The following MLLT3 variants were observed in gnomAD, a reference collection of about 807,000 sequenced individuals.
MLLT3 encodes the protein MLLT3 super elongation complex subunit.
A neutral mutation model predicts 53.2 loss-of-function variants in MLLT3; 4 were observed. The ratio of observed to expected loss-of-function variants is 0.08; its 90% CI spans 0.04 to 0.17. The LOEUF is 0.17. Among genes scored for constraint, MLLT3 ranks in the 10% least tolerant of loss-of-function variants. The pLI is 1.00. For synonymous variants in MLLT3, 283 were observed against 230.6 expected, an observed-to-expected ratio of 1.23 and a Z score of -2.06; for missense variants, 569 against 684.0, an observed-to-expected ratio of 0.83 and a Z score of 1.87.
In MLLT3 at chr9:20,515,857, C is replaced by G. The variant is rs1817899360; in HGVS notation, c.194-59071G>C. Among the ~76,000 whole-genome samples, 3 of 152,136 alleles carry G rather than the reference C, an allele frequency of 2.0e-5. No homozygotes were observed. The South Asian group carries it at 6.2e-4, about 31-fold the overall frequency. ...TCCCCAAAGCTCAAGCACAGACCGC[C>G]TGATGTAAGACTCTGCGGCTGGGGA... On this transcript the variant is annotated intron_variant, in intron 2 of 10. Coordinates refer to ENST00000380338, the MANE Select transcript of MLLT3 (RefSeq NM_004529.4).
At chr9:20,464,698 A>G (rs1239286931) in intron 2 of MLLT3, among the ~76,000 whole-genome samples, 1 of 152,070 alleles carries the variant, frequency 6.6e-6, no homozygotes, top group Non-Finnish European at 1.5e-5. Context: ...CTGGCAGGAA[A>G]AAATGACATT....
In MLLT3 at chr9:20,346,571, C is replaced by T. The variant is rs1380847578; in HGVS notation, c.1579G>A (p.Val527Met). Residue 527 changes from valine (V) to methionine (M), a missense_variant, in exon 11 of 11, where the codon GTG becomes ATG. By Grantham distance (21) the Val-to-Met change is conservative. Around this residue, in one of 5 missense-constraint regions of MLLT3, gnomAD observed 45 missense variants for 85.5 expected, o/e 0.53. Coordinates refer to ENST00000380338, the MANE Select transcript of MLLT3 (RefSeq NM_004529.4). ...LRERHILQQIVNLIEETGHFH... is the reference protein window; with the variant it reads ...LRERHILQQIMNLIEETGHFH... ...TGTCCAGTTTCTTCTATAAGGTTCA[C>T]GATCTAGAGGAGTGAAGAAGAGAAA... 1 of 1,612,754 alleles carries T rather than the reference C, an allele frequency of 6.2e-7. No individual in the cohort carries two copies.
Position 20,524,035 on chromosome 9 carries a change from G to T in MLLT3, c.194-67249C>A, listed in dbSNP as rs1263151200. Among the ~76,000 whole-genome samples, 7 of 151,830 alleles carry T rather than the reference G, an allele frequency of 4.6e-5. No homozygotes were observed. In the East Asian group the frequency reaches 1.2e-3, roughly 25 times the overall value. On this transcript the variant is annotated intron_variant, in intron 2 of 10. Transcript: ENST00000380338. ...TGGTTGTCAGGGGTCAGGGGAAGTG[G>T]CAGGGAGAAGGGATGAATAGGTAGA...
chr9:20,510,578 C>T (rs1351386041), intron 2 of MLLT3, among the ~76,000 whole-genome samples: 1 of 142,364 alleles, frequency 7.0e-6, no homozygotes, highest in East Asian at 2.0e-4. Flanking sequence ...TATGACTGCA[C>T]TCCAGCCTGG....
At chr9:20,483,675 G>A (rs1328148679) in intron 2 of MLLT3, among the ~76,000 whole-genome samples, 1 of 146,658 alleles carries the variant, frequency 6.8e-6, no homozygotes, top group Non-Finnish European at 1.5e-5. Flanking sequence ...TTACACTAAC[G>A]AGATAACACA....
intron 2 of MLLT3, among the ~76,000 whole-genome samples, chr9:20,565,968 T>TTTTA (rs1347373715): frequency 0.05 from 1,635 of 32,454 alleles, 97 homozygotes; most frequent in African/African-American, 0.18. Context: ...ATATATATAT[T>TTTTA]TATATATATA....
intron 2 of MLLT3, among the ~76,000 whole-genome samples, chr9:20,618,358 A>G (rs1463468778): frequency 6.6e-6 from 1 of 152,234 alleles, no homozygotes; most frequent in Non-Finnish European, 1.5e-5. Flanking sequence ...AATAAGTCCC[A>G]GGATTAAGTG....
In MLLT3 at chr9:20,601,784, CCTTTAA is replaced by C. The variant is rs1378959220; in HGVS notation, c.193+18864_193+18869del. On this transcript the variant is annotated intron_variant, in intron 2 of 10. Coordinates refer to ENST00000380338, the MANE Select transcript of MLLT3 (RefSeq NM_004529.4). ...GCTTAGTTCCTGTTTCCAAAATATC[CCTTTAA>C]CTTTTTCTTTTCTCTTTTTATGGTG... 2.6e-5 allele frequency among the ~76,000 whole-genome samples: 4 copies of C among 152,050 alleles called. No individual in the cohort carries two copies. The East Asian group carries it at 7.7e-4, about 29-fold the overall frequency.
At chr9:20,446,847 T>C (rs1321289433) in intron 4 of MLLT3, among the ~76,000 whole-genome samples, 2 of 152,166 alleles carry the variant, frequency 1.3e-5, no homozygotes, top group Admixed American at 1.3e-4. Context: ...CAAAAATAAA[T>C]ACATTTCTTC....
intron 5 of MLLT3, among the ~76,000 whole-genome samples, chr9:20,373,041 G>A (rs1230162694): frequency 6.6e-6 from 1 of 152,104 alleles, no homozygotes; most frequent in African/African-American, 2.4e-5. Context: ...GCCTACATAT[G>A]CTGAAGTATC....
intron 2 of MLLT3, among the ~76,000 whole-genome samples, chr9:20,554,157 T>C (rs1407261618): frequency 1.3e-5 from 2 of 152,154 alleles, no homozygotes; most frequent in Non-Finnish European, 2.9e-5. Context: ...ACATTTTTCA[T>C]ATAACCCCTC....
chr9:20,617,244 G>T (rs1820853486), intron 2 of MLLT3, among the ~76,000 whole-genome samples: 1 of 152,108 alleles, frequency 6.6e-6, no homozygotes, highest in African/African-American at 2.4e-5. Flanking sequence ...TCAAGTATTA[G>T]TTACCTTGAT....
chr9:20,542,274 T>C lies in MLLT3; in HGVS notation c.193+78380A>G, dbSNP rs185121610. Among the ~76,000 whole-genome samples, 1,470 of 149,762 alleles carry C rather than the reference T, an allele frequency of 9.8e-3. 56 individuals are homozygous for C. In the East Asian group the frequency reaches 0.13, roughly 13 times the overall value. ...TTTTTTTTTTTTTGAGACGGAGTCT[T>C]GCTCTGTCGCCCAGGCCGGACTGCG... is the stretch of plus-strand genomic sequence containing the variant. On this transcript the variant is annotated intron_variant, in intron 2 of 10. Coordinates refer to ENST00000380338, the MANE Select transcript of MLLT3 (RefSeq NM_004529.4).
intron 2 of MLLT3, among the ~76,000 whole-genome samples, chr9:20,459,576 G>A (rs866389060): frequency 2.6e-5 from 4 of 152,134 alleles, no homozygotes; most frequent in Non-Finnish European, 4.4e-5. Flanking sequence ...TTTATTTTGT[G>A]GGCTGCTGCA....
chr9:20,523,695 TG>T (rs1818124834), intron 2 of MLLT3, among the ~76,000 whole-genome samples: 4 of 151,994 alleles, frequency 2.6e-5, no homozygotes, highest in African/African-American at 9.7e-5. Flanking sequence ...ATGGGCCGGA[TG>T]GGGTGGCTCA....
chr9:20,560,652 AC>A (rs1373220826), intron 2 of MLLT3, among the ~76,000 whole-genome samples: 2 of 152,210 alleles, frequency 1.3e-5, no homozygotes, highest in African/African-American at 4.8e-5. Context: ...TCAGGGAATA[AC>A]ATTTCATCTA....
chr9:20,604,710 G>A (rs1021197621), intron 2 of MLLT3, among the ~76,000 whole-genome samples: 3 of 152,184 alleles, frequency 2.0e-5, no homozygotes, highest in African/African-American at 7.2e-5. Flanking sequence ...TGCCTTTAAC[G>A]ATCATAGCAA....
At chr9:20,366,008 C>T (rs563982770) in intron 5 of MLLT3, among the ~76,000 whole-genome samples, 3 of 152,142 alleles carry the variant, frequency 2.0e-5, no homozygotes, top group African/African-American at 4.8e-5. Flanking sequence ...TTCACTCCTA[C>T]GTTTACTGCT....
At chr9:20,519,125 A>C (rs1484562021) in intron 2 of MLLT3, among the ~76,000 whole-genome samples, 2 of 152,228 alleles carry the variant, frequency 1.3e-5, no homozygotes, top group Admixed American at 1.3e-4. Flanking sequence ...TTTTAAAATA[A>C]ATATTTGCTA....
Sources: gnomAD v4.1 joint callset for allele counts (sites outside exome capture counted in the v4.1 genomes callset) on GRCh38, gnomAD v4.1.1 for gene constraint, gnomAD v4.1.1 regional missense constraint, MANE v1.5 for transcripts, NCBI Gene and HGNC (gene_info 2026-07-23, HGNC 2026-07-21) for gene names.